Variants in JDP2 observed in about 807,000 individuals in gnomAD.
JDP2 encodes Jun dimerization protein 2.
A neutral mutation model predicts 17.1 loss-of-function variants in JDP2; 9 were observed. The ratio of observed to expected loss-of-function variants is 0.53; its 90% CI spans 0.32 to 0.92. JDP2 has a LOEUF of 0.92. Among genes scored for constraint, JDP2 ranks in the 40% least tolerant of loss-of-function variants. The pLI is 0.04. For synonymous variants in JDP2, 107 were observed against 95.6 expected, an observed-to-expected ratio of 1.12 and a Z score of -0.69; for missense variants, 179 against 220.0, an observed-to-expected ratio of 0.81 and a Z score of 1.18.
intron 2 of JDP2, among the ~76,000 whole-genome samples, chr14:75,457,606 G>C (rs74848044): frequency 0.037 from 5,594 of 152,344 alleles, 344 homozygotes; most frequent in African/African-American, 0.13. Flanking sequence ...TACCAGCCAA[G>C]GTTGGGGGCA....
intron 2 of JDP2, among the ~76,000 whole-genome samples, chr14:75,442,868 G>A (rs1468478396): frequency 1.3e-5 from 2 of 152,130 alleles, no homozygotes; most frequent in Non-Finnish European, 2.9e-5. Context: ...CTCTCCTCAG[G>A]CTCTTCTGAT....
At chr14:75,445,134 C>T (rs1156266206) in intron 2 of JDP2, 1 of 985,234 alleles carries the variant, frequency 1.0e-6, no homozygotes, top group Non-Finnish European at 1.2e-6. Flanking sequence ...TGAGTCCTCT[C>T]CTGGGTGAGG....
intron 3 of JDP2, among the ~76,000 whole-genome samples, chr14:75,466,844 C>T (rs1335271253): frequency 1.3e-5 from 2 of 152,170 alleles, no homozygotes; most frequent in Non-Finnish European, 2.9e-5. Flanking sequence ...CAGCTCTCTG[C>T]CCTATCTCCT....
intron 1 of JDP2, among the ~76,000 whole-genome samples, chr14:75,433,370 A>G (rs200826078): frequency 6.6e-5 from 10 of 150,812 alleles, no homozygotes; most frequent in East Asian, 4.0e-4. Flanking sequence ...AAAAAGCTTA[A>G]TAAGTTACCT....
chr14:75,467,141 C>T (rs1195118831), intron 3 of JDP2, among the ~76,000 whole-genome samples: 1 of 152,196 alleles, frequency 6.6e-6, no homozygotes, highest in Non-Finnish European at 1.5e-5. Flanking sequence ...AACCCACCTT[C>T]TCACTTTCTA....
chr14:75,444,731 C>T (rs978230870), intron 2 of JDP2, among the ~76,000 whole-genome samples: 3 of 152,134 alleles, frequency 2.0e-5, no homozygotes, highest in African/African-American at 7.2e-5. Flanking sequence ...GCAGTATGTC[C>T]GTAAATTACC....
At chr14:75,444,865 A>C (rs1033807474) in intron 2 of JDP2, among the ~76,000 whole-genome samples, 5 of 152,220 alleles carry the variant, frequency 3.3e-5, no homozygotes, top group Non-Finnish European at 5.9e-5. Context: ...CTGGTTGTTT[A>C]TGCAGTTTAG....
intron 2 of JDP2, among the ~76,000 whole-genome samples, chr14:75,447,427 T>C (rs979141962): frequency 2.6e-4 from 39 of 152,202 alleles, no homozygotes; most frequent in African/African-American, 9.2e-4. Context: ...GGGTCTCATT[T>C]TTTAAAGCAT....
At chr14:75,465,971 A>G (rs1435854178) in intron 3 of JDP2, among the ~76,000 whole-genome samples, 2 of 152,232 alleles carry the variant, frequency 1.3e-5, no homozygotes, top group Non-Finnish European at 2.9e-5. Flanking sequence ...CAGTTCCTTC[A>G]TTAATTAGGA....
At chr14:75,462,073 C>T (rs1360739402) in intron 3 of JDP2, among the ~76,000 whole-genome samples, 1 of 152,254 alleles carries the variant, frequency 6.6e-6, no homozygotes, top group Non-Finnish European at 1.5e-5. Context: ...GCTGCTACCT[C>T]TGGGAATAAG....
chr14:75,443,746 G>T (rs1371310929), intron 2 of JDP2, among the ~76,000 whole-genome samples: 1 of 152,060 alleles, frequency 6.6e-6, no homozygotes, highest in African/African-American at 2.4e-5. Context: ...CCTAGCACAG[G>T]GTCCCTTGGA....
chr14:75,450,638 T>C (rs1161579754), intron 2 of JDP2, among the ~76,000 whole-genome samples: 1 of 152,170 alleles, frequency 6.6e-6, no homozygotes, highest in Non-Finnish European at 1.5e-5. Flanking sequence ...ATGTGCTTGA[T>C]TACATCCTGC....
intron 2 of JDP2, among the ~76,000 whole-genome samples, chr14:75,460,680 C>A (rs1202120955): frequency 6.6e-6 from 1 of 152,222 alleles, no homozygotes; most frequent in Non-Finnish European, 1.5e-5. Flanking sequence ...CTCCTGAACT[C>A]CTCATCTGGC....
chr14:75,433,619 A>G (rs1278236611), intron 1 of JDP2, among the ~76,000 whole-genome samples: 1 of 141,196 alleles, frequency 7.1e-6, no homozygotes, highest in East Asian at 2.1e-4. Flanking sequence ...GTTGGCTTTC[A>G]GGGAGCTGCA....
At chr14:75,439,947 G>A (rs369323225) in intron 2 of JDP2, among the ~76,000 whole-genome samples, 39 of 152,310 alleles carry the variant, frequency 2.6e-4, no homozygotes, top group African/African-American at 7.7e-4. Context: ...GGCAGAGGTC[G>A]TCAAGCTGGG....
intron 3 of JDP2, among the ~76,000 whole-genome samples, chr14:75,465,699 C>T (rs909997352): frequency 4.6e-5 from 7 of 152,116 alleles, no homozygotes; most frequent in African/African-American, 1.7e-4. Context: ...AAACTGAGGC[C>T]CAGAGAGAGG....
chr14:75,445,289 G>A (rs1885545256), intron 2 of JDP2: 1 of 985,438 alleles, frequency 1.0e-6, no homozygotes, highest in African/African-American at 1.7e-5. Context: ...TGAAAGTGCT[G>A]GGAGTGAGGG....
intron 2 of JDP2, among the ~76,000 whole-genome samples, chr14:75,442,032 C>T (rs1015224101): frequency 2.0e-5 from 3 of 151,818 alleles, no homozygotes; most frequent in Admixed American, 6.6e-5. Context: ...CTCACCCTCT[C>T]GCCACGTCTC....
rs1017939456 is a variant in JDP2, at chr14:75,467,789, G to T, written c.307-1501G>T. ...TGGAATTCTCAGAACAGAGGACCAG[G>T]CCAGCTTCCCAGTCACGTCCCAGCC... On this transcript the variant is annotated intron_variant, in intron 3 of 3. Coordinates refer to ENST00000651602, the MANE Select transcript of JDP2 (RefSeq NM_001135048.2). 2.0e-5 allele frequency among the ~76,000 whole-genome samples: 3 copies of T among 152,204 alleles called. No homozygotes were observed. The East Asian group carries it at 5.8e-4, about 29-fold the overall frequency.
Sources: allele counts gnomAD v4.1 joint callset (sites outside exome capture counted in the v4.1 genomes callset), GRCh38; gene constraint gnomAD v4.1.1; transcripts MANE v1.5; gene names NCBI Gene and HGNC (gene_info 2026-07-23, HGNC 2026-07-21).